Variants in PDE4D observed in about 807,000 individuals in gnomAD.
PDE4D encodes the protein 3',5'-cyclic-AMP phosphodiesterase 4D.
A neutral mutation model predicts 87.4 loss-of-function variants in PDE4D; 24 were observed. The ratio of observed to expected loss-of-function variants is 0.27; its 90% confidence interval spans 0.20 to 0.39. PDE4D has a LOEUF of 0.39. Among genes scored for constraint, PDE4D ranks in the 10% least tolerant of loss-of-function variants. The pLI is 1.00. For synonymous variants in PDE4D, 384 were observed against 383.2 expected (o/e 1.00, Z -0.02); for missense variants, 714 against 1,041.0 (o/e 0.69, Z 4.32).
At chr5:59,331,816 A>G (rs1776778764) in intron 1 of PDE4D, among the ~76,000 whole-genome samples, 1 of 152,156 alleles carries the variant, frequency 6.6e-6, no homozygotes, top group African/African-American at 2.4e-5. Flanking sequence ...TCTATTTCCT[A>G]CTTCTTTTGC....
chr5:59,913,592 G>A (rs1158286969), intron 3 of PDE4D, among the ~76,000 whole-genome samples: 1 of 151,724 alleles, frequency 6.6e-6, no homozygotes, highest in Non-Finnish European at 1.5e-5. Context: ...AATTTTTATG[G>A]GATTAAAGAT....
intron 2 of PDE4D, among the ~76,000 whole-genome samples, chr5:60,067,572 C>G (rs1772241007): frequency 6.6e-6 from 1 of 152,180 alleles, no homozygotes; most frequent in Non-Finnish European, 1.5e-5. Context: ...AAACATTAAA[C>G]ACAAAACTAC....
intron 1 of PDE4D, among the ~76,000 whole-genome samples, chr5:59,512,269 T>C (rs1326973545): frequency 6.6e-6 from 1 of 152,212 alleles, no homozygotes; most frequent in Non-Finnish European, 1.5e-5. Flanking sequence ...AGGAGCAGGC[T>C]AAGCCAAGTG....
chr5:59,449,407 G>A (rs907508433), intron 1 of PDE4D, among the ~76,000 whole-genome samples: 7 of 152,112 alleles, frequency 4.6e-5, no homozygotes, highest in South Asian at 2.1e-4. Context: ...CTCCCAAATC[G>A]ATTCCTTCTA....
intron 2 of PDE4D, among the ~76,000 whole-genome samples, chr5:60,010,946 G>A (rs1369552137): frequency 6.6e-6 from 1 of 152,076 alleles, no homozygotes; most frequent in Non-Finnish European, 1.5e-5. Flanking sequence ...TGGCACAAAG[G>A]CCATGCATAT....
intron 2 of PDE4D, among the ~76,000 whole-genome samples, chr5:60,135,045 T>C (rs550076720): frequency 9.8e-5 from 15 of 152,348 alleles, no homozygotes; most frequent in Admixed American, 1.3e-4. Flanking sequence ...GACCTTGGAA[T>C]GCTCTAAATG....
At chr5:59,633,963 C>T (rs1193750286) in intron 1 of PDE4D, among the ~76,000 whole-genome samples, 1 of 152,032 alleles carries the variant, frequency 6.6e-6, no homozygotes, top group African/African-American at 2.4e-5. Context: ...AGAGTCAAGA[C>T]CCATCAATGT....
intron 1 of PDE4D, among the ~76,000 whole-genome samples, chr5:59,360,092 G>A (rs541638342): frequency 6.6e-6 from 1 of 152,150 alleles, no homozygotes; most frequent in African/African-American, 2.4e-5. Context: ...GGCAAATTTG[G>A]GTTTCGGTGT....
intron 1 of PDE4D, among the ~76,000 whole-genome samples, chr5:59,221,959 T>C (rs552704614): frequency 3.3e-5 from 5 of 152,276 alleles, no homozygotes; most frequent in African/African-American, 1.2e-4. Flanking sequence ...ATATTTGGTC[T>C]CCCATGAGGG....
rs946543043 is a variant in PDE4D at position 60,350,214 on chromosome 5, C to T, written c.-90+137728G>A. On this transcript the variant is annotated intron_variant, in intron 1 of 16. Coordinates refer to the PDE4D transcript ENST00000502484. ...CTGGTGTCAGCTTTGTAAACCATGGCTCAGGTTCGAGCCTATCAGTCAGTC... is the reference window on the plus strand; with the variant it reads ...CTGGTGTCAGCTTTGTAAACCATGGTTCAGGTTCGAGCCTATCAGTCAGTC... Among the ~76,000 whole-genome samples the T allele has an allele frequency of 2.6e-5, 4 of 152,198 alleles. No homozygotes were observed. In the East Asian group the frequency reaches 7.7e-4, roughly 29 times the overall value.
intron 1 of PDE4D, among the ~76,000 whole-genome samples, chr5:59,451,902 C>T (rs1014679886): frequency 8.5e-5 from 13 of 152,190 alleles, no homozygotes; most frequent in African/African-American, 2.9e-4. Flanking sequence ...TTGTATGTCA[C>T]ATTCCAGTTG....
At chr5:59,148,345 CTT>C (rs1163114879) in intron 5 of PDE4D, among the ~76,000 whole-genome samples, 1 of 152,078 alleles carries the variant, frequency 6.6e-6, no homozygotes, top group Non-Finnish European at 1.5e-5. Flanking sequence ...TTTCATTTTT[CTT>C]TTTACTATAA....
intron 1 of PDE4D, among the ~76,000 whole-genome samples, chr5:59,305,712 A>C (rs1771187967): frequency 6.6e-6 from 1 of 152,128 alleles, no homozygotes. Flanking sequence ...CATGGTTTTG[A>C]AGATTCCATT....
chr5:59,286,006 C>T (rs925648241), intron 1 of PDE4D, among the ~76,000 whole-genome samples: 1 of 152,170 alleles, frequency 6.6e-6, no homozygotes, highest in Non-Finnish European at 1.5e-5. Context: ...CAGGATTATC[C>T]TTCCTTTCTT....
intron 1 of PDE4D, among the ~76,000 whole-genome samples, chr5:60,507,582 C>T (rs907956343): frequency 2.6e-5 from 4 of 152,060 alleles, no homozygotes; most frequent in Non-Finnish European, 4.4e-5. Context: ...CCAATTTATA[C>T]TGCCACTGAC....
chr5:60,438,962 G>A (rs73759054), intron 1 of PDE4D, among the ~76,000 whole-genome samples: 14,995 of 152,066 alleles, frequency 0.099, 860 homozygotes, highest in African/African-American at 0.15. Flanking sequence ...TTTGTCCTAC[G>A]GATATACTTG....
At chr5:59,338,552 G>A (rs527771072) in intron 1 of PDE4D, among the ~76,000 whole-genome samples, 2 of 152,232 alleles carry the variant, frequency 1.3e-5, no homozygotes, top group African/African-American at 2.4e-5. Context: ...AAGACTGCAC[G>A]TCATTAGCTT....
At chr5:59,526,676 T>G (rs1813195554) in intron 1 of PDE4D, among the ~76,000 whole-genome samples, 2 of 152,210 alleles carry the variant, frequency 1.3e-5, no homozygotes, top group Admixed American at 1.3e-4. Flanking sequence ...CTGGCTAGAA[T>G]GCAGTGGCGT....
intron 2 of PDE4D, among the ~76,000 whole-genome samples, chr5:59,197,827 A>G (rs1745805058): frequency 6.6e-6 from 1 of 152,202 alleles, no homozygotes; most frequent in Non-Finnish European, 1.5e-5. Context: ...AAAAAATCCT[A>G]TGAAATAAAA....
Sources: allele counts gnomAD v4.1 joint callset (sites outside exome capture counted in the v4.1 genomes callset), GRCh38; gene constraint gnomAD v4.1.1; transcripts MANE v1.5; gene names NCBI Gene and HGNC (gene_info 2026-07-23, HGNC 2026-07-21).